The following CETP variants were observed in gnomAD, a reference collection of about 807,000 sequenced individuals.
CETP encodes BPI fold containing family F.
In CETP, 56 loss-of-function variants were observed where a neutral mutation model predicts 66.5. The observed-to-expected ratio is 0.84, with a 90% CI of 0.68 to 1.05. The LOEUF (loss-of-function observed/expected upper bound fraction) is 1.05, where lower values mean the gene tolerates loss of function less well. Ranked by LOEUF, CETP falls within the 50% of genes least tolerant of loss-of-function variation. The probability of loss-of-function intolerance (pLI) is 0.00; values close to 1 mark genes in which losing one functional copy is unlikely to be tolerated. For missense variants in CETP, 612 were observed against 609.6 expected (o/e 1.00, Z -0.04); for synonymous variants, 251 against 245.7 (o/e 1.02, Z -0.20).
chr16:56,972,004 CA>C lies in CETP; in HGVS notation c.672del (p.Asp225MetfsTer10). 1 of 1,614,094 alleles carries C rather than the reference CA, an allele frequency of 6.2e-7. No homozygotes were observed. The highest frequency in any genetic ancestry group is 1.1e-5 in the South Asian group (1 of 91,084). On this transcript the variant is annotated frameshift_variant, in exon 8 of 16. Transcript: ENST00000200676. LOFTEE classifies it high-confidence loss of function. ...FVQTRAASIL[S>X]DGDIGVDISL... ...TTTCCTCCTGCAGCCAGCATCCTTT[CA>C]GATGGAGACATTGGGGTGGACATTT... is the stretch of plus-strand genomic sequence containing the variant.
intron 2 of CETP, among the ~76,000 whole-genome samples, chr16:56,964,370 G>C (rs1223644303): frequency 6.6e-6 from 1 of 152,168 alleles, no homozygotes; most frequent in Non-Finnish European, 1.5e-5. Context: ...CTGTAAAAGA[G>C]GATAATGCCA....
chr16:56,969,305 C>T (rs188811918), intron 2 of CETP, 81 bp from the exon 3 acceptor site: 41 of 1,583,984 alleles, frequency 2.6e-5, no homozygotes, highest in East Asian at 1.1e-4. Flanking sequence ...CTTCCACCCT[C>T]GCCTAGACAA....
chr16:56,982,700 C>A (rs1181561988), intron 14 of CETP, among the ~76,000 whole-genome samples: 1 of 152,212 alleles, frequency 6.6e-6, no homozygotes, highest in East Asian at 1.9e-4. Context: ...CTCTCAGACA[C>A]CATAGCACAC....
At position 56,972,077 on chromosome 16, in the gene CETP, T is replaced by C. The variant is rs753403909; in HGVS notation, c.744T>C (p.His248=). 9.3e-6 allele frequency: 15 copies of C among 1,612,090 alleles called. No homozygotes were observed. The highest frequency in any genetic ancestry group is 1.2e-5 in the Non-Finnish European group (14 of 1,178,206). ...PVITASYLES[H]HKGHFIYKNV... is the part of the protein sequence containing the mutation. ...TCACAGCCTCCTACCTGGAGTCCCATCACAAGGTAGGAGTTGTGGGAGGGT... is the reference window on the plus strand; with the variant it reads ...TCACAGCCTCCTACCTGGAGTCCCACCACAAGGTAGGAGTTGTGGGAGGGT... Residue 248 remains histidine, a synonymous_variant, in exon 8 of 16, where the codon CAT becomes CAC. Transcript: ENST00000200676.
chr16:56,983,425 C>T lies in CETP; in HGVS notation c.1407+14C>T, dbSNP rs375723835. On this transcript the variant is annotated intron_variant, in intron 15 of 15. Coordinates refer to ENST00000200676, the MANE Select transcript of CETP (RefSeq NM_000078.3). The stretch of plus-strand genomic sequence containing the variant: ...ATCACTCGAGATGTGAGTACAAAGC[C>T]CCCCTCACCAGCCCCTGTTCCTGGG... 30 of 1,613,442 alleles carry T rather than the reference C, an allele frequency of 1.9e-5. 1 individual carries two copies. The highest frequency in any genetic ancestry group is 1.7e-4 in the Middle Eastern group (1 of 6,060).
At chr16:56,975,685 A>C (rs1315797359) in intron 10 of CETP, among the ~76,000 whole-genome samples, 3 of 152,114 alleles carry the variant, frequency 2.0e-5, no homozygotes, top group African/African-American at 7.2e-5. Flanking sequence ...CTCCTACCTC[A>C]AATGGACCTC....
At chr16:56,967,455 A>C (rs1468190893) in intron 2 of CETP, among the ~76,000 whole-genome samples, 1 of 152,146 alleles carries the variant, frequency 6.6e-6, no homozygotes, top group Non-Finnish European at 1.5e-5. Context: ...CAGGAGTTCA[A>C]GACCAGCCTG....
At chr16:56,981,626 A>T in intron 12 of CETP, 21 bp from the exon 13 acceptor site, 1 of 1,613,804 alleles carries the variant, frequency 6.2e-7, no homozygotes, top group Non-Finnish European at 8.5e-7. Context: ...GGGTCAAATT[A>T]TCATCGCTTT....
chr16:56,971,655 G>A (rs1775310367), intron 7 of CETP, among the ~76,000 whole-genome samples: 1 of 152,238 alleles, frequency 6.6e-6, no homozygotes, highest in African/African-American at 2.4e-5. Context: ...TCTCCTGGAA[G>A]TAGATTAGGA....
intron 11 of CETP, among the ~76,000 whole-genome samples, chr16:56,979,146 T>C (rs2056170740): frequency 6.6e-6 from 1 of 152,070 alleles, no homozygotes; most frequent in Non-Finnish European, 1.5e-5. Context: ...CTCCTTAAGC[T>C]GAGCAGTGGA....
In CETP at chr16:56,973,489, C is replaced by G. The variant is rs1056899781; in HGVS notation, c.909C>G (p.Ser303Arg). ...TCCAGGATGGCCGCCTCATGCTCAG[C>G]CTGATGGGAGACGAGTTCAAGGTGA... ...VAFQDGRLMLSLMGDEFKAVL... is the reference protein window; with the variant it reads ...VAFQDGRLMLRLMGDEFKAVL... Residue 303 changes from serine to arginine, a missense_variant, in exon 9 of 16, where the codon AGC (serine) becomes AGG (arginine). Coordinates refer to ENST00000200676, the MANE Select transcript of CETP (RefSeq NM_000078.3). 6.2e-7 allele frequency: 1 copy of G among 1,614,184 alleles called. No homozygotes were observed. The highest frequency in any genetic ancestry group is 1.3e-5 in the African/African-American group (1 of 75,032).
At chr16:56,982,893 A>G (rs1265486002) in intron 14 of CETP, among the ~76,000 whole-genome samples, 3 of 152,132 alleles carry the variant, frequency 2.0e-5, no homozygotes, top group Non-Finnish European at 2.9e-5. Context: ...TCTTGGCCTC[A>G]TTTTCCCCAT....
At chr16:56,976,444 G>A (rs1449533912) in intron 10 of CETP, among the ~76,000 whole-genome samples, 1 of 150,700 alleles carries the variant, frequency 6.6e-6, no homozygotes, top group Non-Finnish European at 1.5e-5. Flanking sequence ...GAGGTCTTTT[G>A]TCAGCTCTAG....
chr16:56,963,521 T>A (rs1023637738), intron 2 of CETP, among the ~76,000 whole-genome samples: 1 of 152,232 alleles, frequency 6.6e-6, no homozygotes, highest in Non-Finnish European at 1.5e-5. Flanking sequence ...GCCAGGTTGG[T>A]CTTGAACTCT....
chr16:56,975,116 TG>T lies in CETP; in HGVS notation c.950del (p.Gly317AlafsTer45). 6.2e-7 allele frequency: 1 copy of T among 1,614,134 alleles called. No homozygotes were observed. Among genetic ancestry groups the T allele is most frequent in the Non-Finnish European group, 8.5e-7 (1 of 1,179,982 alleles). ...GDEFKAVLET[W>X]GFNTNQEIFQ... ...TTCTTTTCAGGCAGTGCTGGAGACC[TG>T]GGGCTTCAACACCAACCAGGAAATC... On this transcript the variant is annotated frameshift_variant, in exon 10 of 16. Transcript: ENST00000200676. LOFTEE classifies it high-confidence loss of function.
In CETP at chr16:56,981,345, T is replaced by C. The variant is rs545728971; in HGVS notation, c.1214+120T>C. On this transcript the variant is annotated intron_variant, in intron 12 of 15. Coordinates refer to ENST00000200676, the MANE Select transcript of CETP (RefSeq NM_000078.3). The stretch of plus-strand genomic sequence containing the variant: ...TGTGGCCCCTTTCTTCTGGGGCATA[T>C]GGGCTGACTGCAGGGAGATAAGACC... 1.2e-4 allele frequency: 103 copies of C among 869,760 alleles called. 2 individuals carry two copies. In the South Asian group the frequency reaches 1.4e-3, roughly 11 times the overall value. 53.9% of individuals were successfully genotyped at this position (869,760 alleles called of 1,614,324 possible).
chr16:56,963,456 T>A (rs141394077), intron 2 of CETP, among the ~76,000 whole-genome samples: 6 of 152,340 alleles, frequency 3.9e-5, no homozygotes, highest in African/African-American at 1.2e-4. Context: ...AAGTATTTTT[T>A]AAAAAAATGT....
chr16:56,981,022 T>C, intron 11 of CETP, 136 bp from the exon 12 acceptor site: 2 of 755,920 alleles, frequency 2.6e-6, no homozygotes, highest in Middle Eastern at 2.9e-4. Context: ...AGAAGAGCAG[T>C]AGCTAAGCCT....
In CETP at chr16:56,971,037, G is replaced by A. The variant is rs764223617; in HGVS notation, c.532G>A (p.Gly178Arg). Reference sequence around the variant, plus strand: ...TGTGGTGCTTGCTGCCTTCAGGCCTGGGTGGATCAAGCAGCTGTTCACAAA... The same window carrying A: ...TGTGGTGCTTGCTGCCTTCAGGCCTAGGTGGATCAAGCAGCTGTTCACAAA... ...LLHLQGEREP[G>R]WIKQLFTNFI... The change falls in exon 6 of 16, where the codon GGG (glycine) becomes AGG (arginine). Residue 178 changes from glycine to arginine, a missense_variant. Transcript: ENST00000200676. 2 of 1,614,110 alleles carry A rather than the reference G, an allele frequency of 1.2e-6. No homozygotes were observed. The highest frequency in any genetic ancestry group is 2.2e-5 in the South Asian group (2 of 91,080).
Sources: allele counts gnomAD v4.1 joint callset (sites outside exome capture counted in the v4.1 genomes callset), GRCh38; gene constraint gnomAD v4.1.1; transcripts MANE v1.5; gene names NCBI Gene and HGNC (gene_info 2026-07-23, HGNC 2026-07-21).